Variants in BOP1 observed in about 807,000 individuals in gnomAD.
The protein encoded by BOP1 is BOP1 ribosomal biogenesis factor.
In BOP1, 54 loss-of-function variants were observed where a neutral mutation model predicts 82.9. That is an observed-to-expected ratio of 0.65 (90% CI 0.52 to 0.82). The LOEUF is 0.82. BOP1 is among the 40% of genes least tolerant of loss of function. The pLI, the probability that BOP1 is intolerant of heterozygous loss-of-function variation, is 0.00. For missense variants in BOP1, 1,170 were observed against 1,072.0 expected (o/e 1.09, Z -1.28); for synonymous variants, 566 against 451.1 (o/e 1.25, Z -3.23).
intron 15 of BOP1, 37 bp from the exon 16 acceptor site, chr8:144,262,354 A>G: frequency 6.2e-7 from 1 of 1,612,632 alleles, no homozygotes; most frequent in Non-Finnish European, 8.5e-7. Context: ...ACGGCCAGAC[A>G]CCACTGCCCT....
chr8:144,272,121 G>A (rs1360215521), intron 3 of BOP1, among the ~76,000 whole-genome samples: 1 of 152,080 alleles, frequency 6.6e-6, no homozygotes, highest in African/African-American at 2.4e-5. Context: ...CAGAAACCAG[G>A]ATGCTAGGGG....
chr8:144,268,287 C>A, intron 3 of BOP1: 2 of 1,229,122 alleles, frequency 1.6e-6, no homozygotes, highest in Non-Finnish European at 1.1e-6. Context: ...GCGAGCGGGG[C>A]CGAGGGACAG....
chr8:144,268,946 G>T (rs1364454654), intron 3 of BOP1, among the ~76,000 whole-genome samples: 3 of 71,826 alleles, frequency 4.2e-5, no homozygotes, highest in South Asian at 4.1e-4. Context: ...CCCAGCGGAG[G>T]GGGGGGCTCC....
intron 2 of BOP1, among the ~76,000 whole-genome samples, chr8:144,277,392 A>G (rs1171363752): frequency 1.3e-5 from 2 of 152,032 alleles, no homozygotes; most frequent in Non-Finnish European, 2.9e-5. Context: ...CAGATCCGTG[A>G]CCCCGGCCCC....
In BOP1 at chr8:144,264,250, G is replaced by A; in HGVS notation, c.953C>T (p.Pro318Leu). Residue 318 changes from proline to leucine, a missense_variant, in exon 7 of 16, where the codon CCT becomes CTT. Pro to Leu is a moderately conservative substitution (Grantham distance 98, BLOSUM62 -3). Coordinates refer to ENST00000569669, the MANE Select transcript of BOP1 (RefSeq NM_015201.5). ...CTCCTCCTCGCTGAGCAGGTATTCA[G>A]GGGGTGGGTTGTACGACTCGGCGTG... ...PGHAESYNPPPEYLLSEEERL... is the reference protein window; with the variant it reads ...PGHAESYNPPLEYLLSEEERL... 6.2e-7 allele frequency: 1 copy of A among 1,610,330 alleles called. No individual in the cohort carries two copies. The highest frequency in any genetic ancestry group is 1.7e-5 in the Admixed American group (1 of 59,740).
At chr8:144,275,221 GC>G (rs1278311541) in intron 3 of BOP1, among the ~76,000 whole-genome samples, 2 of 152,062 alleles carry the variant, frequency 1.3e-5, no homozygotes, top group Non-Finnish European at 2.9e-5. Context: ...TTCCCCCACA[GC>G]CCCCAGGGCC....
intron 3 of BOP1, among the ~76,000 whole-genome samples, chr8:144,275,811 C>T (rs1433447928): frequency 6.6e-6 from 1 of 152,132 alleles, no homozygotes; most frequent in Non-Finnish European, 1.5e-5. Flanking sequence ...GTGGCCCACC[C>T]CACAGCACAC....
At chr8:144,265,154 G>T in intron 3 of BOP1, 83 bp from the exon 4 acceptor site, 2 of 1,507,590 alleles carry the variant, frequency 1.3e-6, no homozygotes, top group Non-Finnish European at 1.8e-6. Context: ...CAGGTGAGGG[G>T]GTTGCAGGGG....
chr8:144,289,163 C>T lies in BOP1; in HGVS notation c.241G>A (p.Gly81Arg). 1 of 1,614,210 alleles carries T rather than the reference C, an allele frequency of 6.2e-7. No individual in the cohort carries two copies. The change falls in exon 2 of 16, where the codon GGA becomes AGA. Residue 81 changes from glycine (G) to arginine (R), a missense_variant. Gly to Arg is a moderately radical substitution (Grantham distance 125). Coordinates refer to ENST00000569669, the MANE Select transcript of BOP1 (RefSeq NM_015201.5). ...SEDDDEGDEE[G>R]EDGALDDEGH... is the part of the protein sequence containing the mutation. ...TCGTCATCAAGGGCTCCGTCCTCTC[C>T]CTCCTCGTCGCCTTCGTCATCATCC...
rs908579444 is a variant in BOP1 at position 144,264,141 on chromosome 8, C to T, written c.980G>A (p.Arg327His). ...PPEYLLSEEERLAWEQQEPGE... is the reference protein window; with the variant it reads ...PPEYLLSEEEHLAWEQQEPGE... ...TGGCTCCTGCTGTTCCCACGCCAAGCGCTGTGGAGACCAAGACACAGGGGT... is the reference window on the plus strand; with the variant it reads ...TGGCTCCTGCTGTTCCCACGCCAAGTGCTGTGGAGACCAAGACACAGGGGT... The change falls in exon 8 of 16, where the codon CGC becomes CAC. Residue 327 changes from arginine to histidine, a missense_variant and splice_region_variant. Arg to His is a conservative substitution (Grantham distance 29). Coordinates refer to ENST00000569669, the MANE Select transcript of BOP1 (RefSeq NM_015201.5). The T allele has an allele frequency of 4.7e-4, 755 of 1,610,716 alleles. No homozygotes were observed. Among genetic ancestry groups the T allele is most frequent in the Non-Finnish European group, 5.8e-4 (687 of 1,179,336 alleles).
chr8:144,278,062 G>C (rs1217810878), intron 2 of BOP1, among the ~76,000 whole-genome samples: 4 of 152,224 alleles, frequency 2.6e-5, no homozygotes, highest in Non-Finnish European at 5.9e-5. Flanking sequence ...AGGGTCTCCA[G>C]CACCACCCGC....
In BOP1 at chr8:144,271,003, G is replaced by A. The variant is rs1011003063; in HGVS notation, c.390+5221C>T. On this transcript the variant is annotated intron_variant, in intron 3 of 15. Transcript: ENST00000569669. ...TCACGGTCGCCTGCGCCCACCACCC[G>A]CCCCGCCCAGCGCAGCACCTGCGGG... is the stretch of plus-strand genomic sequence containing the variant. 4.3e-3 allele frequency among the ~76,000 whole-genome samples: 658 copies of A among 151,884 alleles called. 11 individuals carry two copies. Among genetic ancestry groups the A allele is most frequent in the African/African-American group, 0.015 (623 of 41,398 alleles).
chr8:144,281,384 C>T (rs201568192), intron 2 of BOP1, among the ~76,000 whole-genome samples: 1 of 848 alleles, frequency 1.2e-3, no homozygotes, highest in African/African-American at 1.4e-3. Context: ...TTCGGCCTTC[C>T]CTCAGTTTAA....
chr8:144,278,964 T>A (rs587633008), intron 2 of BOP1, among the ~76,000 whole-genome samples: 2 of 152,320 alleles, frequency 1.3e-5, no homozygotes, highest in African/African-American at 4.8e-5. Context: ...AAAAGGAAGG[T>A]AACTCGGGGC....
intron 2 of BOP1, among the ~76,000 whole-genome samples, chr8:144,276,682 T>G (rs1845571895): frequency 6.6e-6 from 1 of 152,062 alleles, no homozygotes; most frequent in Non-Finnish European, 1.5e-5. Flanking sequence ...GCCACAGGAC[T>G]CCTCCCAGGG....
At chr8:144,286,133 G>A (rs1482831479) in intron 2 of BOP1, among the ~76,000 whole-genome samples, 1 of 152,200 alleles carries the variant, frequency 6.6e-6, no homozygotes, top group Non-Finnish European at 1.5e-5. Context: ...AAGGTGCCTG[G>A]GTGGCTTCTG....
intron 3 of BOP1, chr8:144,265,632 G>A (rs1014131244): frequency 1.8e-5 from 3 of 163,876 alleles, no homozygotes; most frequent in African/African-American, 4.8e-5. Flanking sequence ...CTTCCAGCCT[G>A]GGGACCGCTG....
Position 144,264,821 on chromosome 8 carries a change from G to A in BOP1, c.556C>T (p.Gln186Ter). The A allele has an allele frequency of 5.6e-6, 9 of 1,609,264 alleles. No individual in the cohort carries two copies. The highest frequency in any genetic ancestry group is 7.6e-6 in the Non-Finnish European group (9 of 1,179,156). ...AGGTCCCGCCCTGTCATCGGGTCCT[G>A]CACGGTGCGCCTGGAGACCGCCAGT... Reference protein sequence around the residue: ...MDDPDYWRTVQDPMTGRDLRL... With the variant: ...MDDPDYWRTV The change falls in exon 5 of 16, where the codon CAG becomes TAG. Residue 186 changes from glutamine (Q) to a stop codon, truncating the protein, a stop_gained. Transcript: ENST00000569669. LOFTEE classifies it high-confidence loss of function.
At chr8:144,279,684 G>A (rs1219368634) in intron 2 of BOP1, among the ~76,000 whole-genome samples, 8 of 152,012 alleles carry the variant, frequency 5.3e-5, no homozygotes, top group Non-Finnish European at 7.4e-5. Context: ...TGTCCCCCCC[G>A]CCGCAAATCT....
Sources: allele counts gnomAD v4.1 joint callset (sites outside exome capture counted in the v4.1 genomes callset), GRCh38; gene constraint gnomAD v4.1.1; transcripts MANE v1.5; gene names NCBI Gene and HGNC (gene_info 2026-07-23, HGNC 2026-07-21).